The following IQSEC3 variants were observed in gnomAD, a reference collection of about 807,000 sequenced individuals.
The protein encoded by IQSEC3 is IQ motif and Sec7 domain ArfGEF 3, also known as IQ motif and SEC7 domain-containing protein 3.
IQSEC3 carries 50 observed loss-of-function variants against 105.4 expected under a neutral mutation model. The observed-to-expected ratio is 0.47, with a 90% CI of 0.38 to 0.60. The LOEUF is 0.60. Among genes scored for constraint, IQSEC3 ranks in the 20% least tolerant of loss-of-function variants. The pLI is 0.00. For synonymous variants in IQSEC3, 708 were observed against 746.0 expected (o/e 0.95, Z 0.83); for missense variants, 1,415 against 1,630.0 (o/e 0.87, Z 2.27).
At chr12:110,603 G>A (rs534192022) in intron 2 of IQSEC3, among the ~76,000 whole-genome samples, 1 of 152,088 alleles carries the variant, frequency 6.6e-6, no homozygotes, top group South Asian at 2.1e-4. Flanking sequence ...CCGGGAGAAT[G>A]GGGTCTCTCC....
intron 1 of IQSEC3, among the ~76,000 whole-genome samples, chr12:73,322 A>C (rs1422974967): frequency 6.6e-6 from 1 of 152,272 alleles, no homozygotes; most frequent in African/African-American, 2.4e-5. Flanking sequence ...AAATGGGGAA[A>C]ATATCTACCT....
chr12:164,395 C>T (rs1471224774), intron 9 of IQSEC3, among the ~76,000 whole-genome samples: 1 of 151,618 alleles, frequency 6.6e-6, no homozygotes, highest in Non-Finnish European at 1.5e-5. Flanking sequence ...GCACATCAGG[C>T]CACGTGTCCC....
At chr12:150,378 G>C (rs1866458251) in intron 5 of IQSEC3, among the ~76,000 whole-genome samples, 1 of 152,222 alleles carries the variant, frequency 6.6e-6, no homozygotes, top group South Asian at 2.1e-4. Context: ...ATTTACTCAA[G>C]CAAGTTAGAC....
intron 1 of IQSEC3, among the ~76,000 whole-genome samples, chr12:86,642 G>C (rs1197939795): frequency 6.6e-6 from 1 of 152,132 alleles, no homozygotes; most frequent in Non-Finnish European, 1.5e-5. Flanking sequence ...ACTCCAGACA[G>C]CTCCTGCCTA....
At chr12:167,661 C>G (rs1938739584) in intron 11 of IQSEC3, 1 of 151,948 alleles carries the variant, frequency 6.6e-6, no homozygotes, top group Non-Finnish European at 1.5e-5. Flanking sequence ...GGGAGGATTG[C>G]TTGAGCCCAG....
intron 1 of IQSEC3, among the ~76,000 whole-genome samples, chr12:86,791 C>T (rs562653916): frequency 6.6e-6 from 1 of 152,152 alleles, no homozygotes; most frequent in East Asian, 1.9e-4. Flanking sequence ...TGTATGACCT[C>T]CCTTTTACAG....
At chr12:102,163 TCCCCGTCAGTCTGGCTCCTC>T (rs1480070993) in intron 2 of IQSEC3, among the ~76,000 whole-genome samples, 7 of 78,114 alleles carry the variant, frequency 9.0e-5, no homozygotes, top group Admixed American at 3.7e-4. Flanking sequence ...GTCTGGCTCC[TCCCCGTCAGTCTGGCTCCTC>T]CCCCGTCAGT....
chr12:167,884 C>T (rs549094521), intron 11 of IQSEC3, among the ~76,000 whole-genome samples: 4 of 152,282 alleles, frequency 2.6e-5, no homozygotes, highest in Non-Finnish European at 5.9e-5. Context: ...ATCCAATGGC[C>T]CAGGACTCCT....
chr12:97,821 ATAC>A (rs1287896397), intron 1 of IQSEC3, among the ~76,000 whole-genome samples: 2 of 152,184 alleles, frequency 1.3e-5, no homozygotes, highest in Non-Finnish European at 2.9e-5. Flanking sequence ...AAAAGTTAAG[ATAC>A]GCTACAGTGT....
intron 1 of IQSEC3, among the ~76,000 whole-genome samples, chr12:82,217 T>C (rs549110537): frequency 3.3e-5 from 5 of 152,342 alleles, no homozygotes; most frequent in Admixed American, 2.0e-4. Flanking sequence ...ATGGTACTCA[T>C]ATCTTTTTAA....
chr12:149,112 T>C (rs1866401386), intron 5 of IQSEC3: 2 of 152,206 alleles, frequency 1.3e-5, no homozygotes, highest in Admixed American at 1.3e-4. Context: ...ATACATCCTT[T>C]TTCCCCAACG....
chr12:75,504 A>G (rs545121272), intron 1 of IQSEC3, among the ~76,000 whole-genome samples: 91 of 152,268 alleles, frequency 6.0e-4, no homozygotes, highest in African/African-American at 2.2e-3. Flanking sequence ...AAAGAGCATC[A>G]TGATGTGTGA....
chr12:72,710 T>A (rs1364792821), intron 1 of IQSEC3, among the ~76,000 whole-genome samples: 1 of 92,864 alleles, frequency 1.1e-5, no homozygotes, highest in East Asian at 2.3e-4. Flanking sequence ...AAGAAAGGGG[T>A]GGTCATCTTT....
Position 125,884 on chromosome 12 carries a change from A to C in IQSEC3, c.875A>C (p.Glu292Ala). ...CACGCCCCTGCCGCCTCCGATTACG[A>C]ACTCTCCCTTGACCTAAAGAATAAA... ...CPHAPAASDY[E>A]LSLDLKNKQI... Residue 292 changes from glutamate to alanine, a missense_variant, in exon 3 of 14, where the codon GAA (glutamate) becomes GCA (alanine). Glu to Ala is a moderately radical substitution (Grantham distance 107). Transcript: ENST00000538872. 6.5e-7 allele frequency: 1 copy of C among 1,533,630 alleles called. No homozygotes were observed. Among genetic ancestry groups the C allele is most frequent in the East Asian group, 2.4e-5 (1 of 40,856 alleles).
rs1364579836 is a variant in IQSEC3, at chr12:73,603, G to A, written c.554+6167G>A. ...GAGAATCACTTGAATCTAGGAGGCT[G>A]AGGTTGCAGTGAGCTGAGATTGCGC... On this transcript the variant is annotated intron_variant, in intron 1 of 13. Transcript: ENST00000538872. Among the ~76,000 whole-genome samples, 7 of 152,290 alleles carry A rather than the reference G, an allele frequency of 4.6e-5. No individual in the cohort carries two copies. In the South Asian group the frequency reaches 1.2e-3, roughly 27 times the overall value.
chr12:85,305 C>T (rs888922833), intron 1 of IQSEC3, among the ~76,000 whole-genome samples: 1 of 152,228 alleles, frequency 6.6e-6, no homozygotes, highest in East Asian at 1.9e-4. Flanking sequence ...TGGCTTTGAT[C>T]CGTCCTTTCA....
Position 67,095 on chromosome 12 carries a change from G to C in IQSEC3, c.213G>C (p.Pro71=), listed in dbSNP as rs1555065698. 3 of 1,526,550 alleles carry C rather than the reference G, an allele frequency of 2.0e-6. No homozygotes were observed. The highest frequency in any genetic ancestry group is 2.8e-5 in the African/African-American group (2 of 71,264). 94.6% of individuals were successfully genotyped at this position (1,526,550 alleles called of 1,614,324 possible). The change falls in exon 1 of 14, where the codon CCG becomes CCC. Residue 71 remains proline, a synonymous_variant. Transcript: ENST00000538872. ...QAQPPPGLVP[P]SSAPLPAAPA... ...AGCCTCCGCCCGGGCTCGTCCCCCCGTCATCGGCCCCGCTGCCGGCCGCTC... is the reference window on the plus strand; with the variant it reads ...AGCCTCCGCCCGGGCTCGTCCCCCCCTCATCGGCCCCGCTGCCGGCCGCTC...
chr12:173,726 G>A (rs1375965705), intron 13 of IQSEC3, among the ~76,000 whole-genome samples: 1 of 152,182 alleles, frequency 6.6e-6, no homozygotes, highest in African/African-American at 2.4e-5. Context: ...CGGGTGGAAC[G>A]GTGTGAGGAG....
intron 5 of IQSEC3, among the ~76,000 whole-genome samples, chr12:145,641 G>A (rs777275056): frequency 3.9e-5 from 6 of 152,212 alleles, no homozygotes; most frequent in Non-Finnish European, 5.9e-5. Flanking sequence ...GAGGAAGCCC[G>A]GTCCAGAAGC....
Sources: allele counts gnomAD v4.1 joint callset (sites outside exome capture counted in the v4.1 genomes callset), GRCh38; gene constraint gnomAD v4.1.1; transcripts MANE v1.5; gene names NCBI Gene and HGNC (gene_info 2026-07-23, HGNC 2026-07-21).